Variants in CFAP43 observed in about 807,000 individuals in gnomAD.
CFAP43 encodes the protein cilia- and flagella-associated protein 43.
In CFAP43, 155 loss-of-function variants were observed where a neutral mutation model predicts 218.9. That is an observed-to-expected ratio of 0.71 (90% confidence interval 0.62 to 0.81). The LOEUF (loss-of-function observed/expected upper bound fraction) is 0.81. CFAP43 is among the 30% of genes least tolerant of loss of function. The pLI is 0.00. For missense variants in CFAP43, 1,778 were observed against 1,954.3 expected (o/e 0.91, Z 1.70); for synonymous variants, 645 against 681.3 (o/e 0.95, Z 0.83).
rs570086944 is a variant in CFAP43, at chr10:104,182,265, A to T, written c.2289+101T>A. ...ATCATGGGATACCTGGATAAAGAGAAATATTACTAAATATCTGCTTAAAGA... is the reference window on the plus strand; with the variant it reads ...ATCATGGGATACCTGGATAAAGAGATATATTACTAAATATCTGCTTAAAGA... On this transcript the variant is annotated intron_variant, in intron 17 of 37. Transcript: ENST00000357060. 2.3e-6 allele frequency: 3 copies of T among 1,276,962 alleles called. No individual in the cohort carries two copies. In the Admixed American group the frequency reaches 8.2e-5, roughly 35 times the overall value. 79.1% of individuals were successfully genotyped at this position (1,276,962 alleles called of 1,614,324 possible).
At chr10:104,150,992 A>T (rs961109672) in intron 28 of CFAP43, among the ~76,000 whole-genome samples, 1 of 151,964 alleles carries the variant, frequency 6.6e-6, no homozygotes, top group Non-Finnish European at 1.5e-5. Context: ...AGAGCATATC[A>T]TATTTGGTTT....
At chr10:104,166,919 A>G (rs192325910) in intron 22 of CFAP43, among the ~76,000 whole-genome samples, 12 of 152,376 alleles carry the variant, frequency 7.9e-5, no homozygotes, top group Admixed American at 1.3e-4. Context: ...TGATAGATAA[A>G]TCAAAGGAAT....
chr10:104,164,401 T>G lies in CFAP43; in HGVS notation c.3040-101A>C, dbSNP rs961450389. ...TTCCCTCTAAAATCATTCCACAAAT[T>G]TTTTTTTTTTTTTTGAGATGCAGTC... On this transcript the variant is annotated intron_variant, in intron 23 of 37. Transcript: ENST00000357060. 194 of 629,874 alleles carry G rather than the reference T, an allele frequency of 3.1e-4. No homozygotes were observed. The Admixed American group carries it at 8.2e-3, about 27-fold the overall frequency. The allele number at this position is 629,874 out of a possible 1,614,324, so 39.0% of individuals were successfully genotyped here.
At chr10:104,212,531 C>T (rs1280432405) in intron 4 of CFAP43, among the ~76,000 whole-genome samples, 3 of 152,092 alleles carry the variant, frequency 2.0e-5, no homozygotes, top group African/African-American at 4.8e-5. Context: ...GGGTTGTTGA[C>T]ATGTGAGAAT....
At chr10:104,160,967 A>G in intron 27 of CFAP43, 70 bp downstream of exon 27, 1 of 1,431,440 alleles carries the variant, frequency 7.0e-7, no homozygotes, top group Non-Finnish European at 9.5e-7. Context: ...ACAAAGTAGA[A>G]AACATTTGAA....
chr10:104,157,750 G>GTA (rs2088629963), intron 27 of CFAP43, among the ~76,000 whole-genome samples: 1 of 115,808 alleles, frequency 8.6e-6, no homozygotes. Flanking sequence ...GTGTGTGTGT[G>GTA]TGTGTGTGTG....
At chr10:104,230,563 G>A in intron 2 of CFAP43, 27 bp downstream of exon 2, 5 of 1,594,314 alleles carry the variant, frequency 3.1e-6, no homozygotes, top group Non-Finnish European at 3.4e-6. Flanking sequence ...CTTCAATTAT[G>A]GGCAGAGGAA....
intron 5 of CFAP43, among the ~76,000 whole-genome samples, chr10:104,209,499 C>G: frequency 6.6e-6 from 1 of 152,104 alleles, no homozygotes. Flanking sequence ...ATAAAGATGT[C>G]TATTATGAGC....
At chr10:104,190,591 T>A (rs563325697) in intron 12 of CFAP43, among the ~76,000 whole-genome samples, 1 of 152,246 alleles carries the variant, frequency 6.6e-6, no homozygotes, top group South Asian at 2.1e-4. Context: ...AAATGAAGAG[T>A]TTATTGGCTT....
chr10:104,155,872 GGAAA>G (rs2088517629), intron 27 of CFAP43, among the ~76,000 whole-genome samples: 1 of 151,816 alleles, frequency 6.6e-6, no homozygotes, highest in Non-Finnish European at 1.5e-5. Flanking sequence ...AGTTAATGAG[GGAAA>G]GAATGACAGG....
intron 19 of CFAP43, among the ~76,000 whole-genome samples, chr10:104,175,085 AAAC>A (rs1222840268): frequency 1.9e-4 from 28 of 150,756 alleles, no homozygotes; most frequent in African/African-American, 6.6e-4. Context: ...ACAAACAAAC[AAAC>A]AAAAAAAAAC....
intron 1 of CFAP43, 142 bp from the exon 2 acceptor site, chr10:104,230,985 C>T (rs912534913): frequency 9.8e-6 from 9 of 914,364 alleles, no homozygotes; most frequent in Middle Eastern, 3.5e-4. Flanking sequence ...TAAAAGAACA[C>T]ACATGCTGGC....
At chr10:104,190,377 C>T (rs991942967) in intron 12 of CFAP43, among the ~76,000 whole-genome samples, 1 of 152,076 alleles carries the variant, frequency 6.6e-6, no homozygotes, top group Admixed American at 6.5e-5. Flanking sequence ...GGATATACAT[C>T]CACTCTGAGG....
intron 16 of CFAP43, 83 bp downstream of exon 16, chr10:104,184,933 G>T (rs1340250827): frequency 1.7e-5 from 26 of 1,537,800 alleles, no homozygotes; most frequent in Non-Finnish European, 2.3e-5. Context: ...CAGCACGTTG[G>T]CCTTGCTGTA....
intron 12 of CFAP43, among the ~76,000 whole-genome samples, chr10:104,189,806 C>G (rs1207988133): frequency 6.6e-6 from 1 of 152,026 alleles, no homozygotes; most frequent in Non-Finnish European, 1.5e-5. Flanking sequence ...AGATCAAGAC[C>G]AGCCTGAGCA....
intron 16 of CFAP43, among the ~76,000 whole-genome samples, chr10:104,183,921 T>A (rs565744647): frequency 6.6e-6 from 1 of 152,338 alleles, no homozygotes; most frequent in Non-Finnish European, 1.5e-5. Flanking sequence ...GATGATGCAA[T>A]CCTCAAATGA....
At chr10:104,230,958 G>T in intron 1 of CFAP43, 115 bp from the exon 2 acceptor site, 2 of 1,153,098 alleles carry the variant, frequency 1.7e-6, no homozygotes, top group Non-Finnish European at 2.3e-6. Flanking sequence ...TGTCCTTTCT[G>T]CCCCCAATTT....
intron 8 of CFAP43, among the ~76,000 whole-genome samples, chr10:104,200,951 A>T (rs531663583): frequency 3.3e-5 from 5 of 152,214 alleles, no homozygotes; most frequent in Non-Finnish European, 1.5e-5. Context: ...TTTTTCTCAG[A>T]ATGACAGGAA....
chr10:104,180,638 G>A (rs531532620), intron 17 of CFAP43, among the ~76,000 whole-genome samples: 6 of 151,852 alleles, frequency 4.0e-5, no homozygotes, highest in Non-Finnish European at 7.4e-5. Flanking sequence ...GTAGAGACAG[G>A]GTTTCACCAT....
Sources: allele counts gnomAD v4.1 joint callset (sites outside exome capture counted in the v4.1 genomes callset), GRCh38; gene constraint gnomAD v4.1.1; transcripts MANE v1.5; gene names NCBI Gene and HGNC (gene_info 2026-07-23, HGNC 2026-07-21).